The following PPIP5K2 variants were observed in gnomAD, a reference collection of about 807,000 sequenced individuals.
The protein encoded by PPIP5K2 is diphosphoinositol pentakisphosphate kinase 2, also known as inositol hexakisphosphate and diphosphoinositol-pentakisphosphate kinase 2.
In PPIP5K2, 105 loss-of-function variants were observed where a neutral mutation model predicts 154.6. That is an observed-to-expected ratio of 0.68 (90% confidence interval 0.58 to 0.80). The LOEUF is 0.80. PPIP5K2 is among the 30% of genes least tolerant of loss of function. The probability of loss-of-function intolerance (pLI) is 0.00; values close to 1 mark genes in which losing one functional copy is unlikely to be tolerated. For missense variants in PPIP5K2, 992 were observed against 1,504.6 expected (o/e 0.66, Z 5.64); for synonymous variants, 480 against 490.3 (o/e 0.98, Z 0.28).
Position 103,133,439 on chromosome 5 carries a change from C to T in PPIP5K2, c.115-14C>T, listed in dbSNP as rs1554203231. On this transcript the variant is annotated splice_polypyrimidine_tract_variant and intron_variant, in intron 2 of 30. Coordinates refer to ENST00000358359, the MANE Select transcript of PPIP5K2 (RefSeq NM_001276277.3). ...GTAAAGTTAACCCGATTTTTTGTTTCATTTTTGTTTTAGCCACCAGAAAGG... is the reference window on the plus strand; with the variant it reads ...GTAAAGTTAACCCGATTTTTTGTTTTATTTTTGTTTTAGCCACCAGAAAGG... 16 of 1,590,998 alleles carry T rather than the reference C, an allele frequency of 1.0e-5. No individual in the cohort carries two copies. The highest frequency in any genetic ancestry group is 2.3e-4 in the Middle Eastern group (1 of 4,364).
At chr5:103,124,761 G>T (rs1235544226) in intron 1 of PPIP5K2, among the ~76,000 whole-genome samples, 2 of 152,120 alleles carry the variant, frequency 1.3e-5, no homozygotes, top group South Asian at 4.1e-4. Flanking sequence ...ACTGGCCAGG[G>T]TATAACAGCT....
At chr5:103,168,007 A>G in intron 18 of PPIP5K2, 65 bp from the exon 19 acceptor site, 2 of 1,013,436 alleles carry the variant, frequency 2.0e-6, no homozygotes, top group Admixed American at 4.8e-5. Flanking sequence ...AATTATTAAC[A>G]TATTAATATA....
chr5:103,177,030 A>G (rs1798832290), intron 21 of PPIP5K2: 3 of 632,090 alleles, frequency 4.7e-6, no homozygotes, highest in Non-Finnish European at 4.9e-6. Context: ...ATGGTGGGAA[A>G]AAATGGCATT....
chr5:103,131,307 T>C (rs1469763996), intron 2 of PPIP5K2, among the ~76,000 whole-genome samples: 1 of 152,238 alleles, frequency 6.6e-6, no homozygotes, highest in African/African-American at 2.4e-5. Context: ...TCTACCCATG[T>C]TTTAAATCAT....
intron 5 of PPIP5K2, among the ~76,000 whole-genome samples, chr5:103,139,115 GTTT>G (rs1326812363): frequency 1.3e-5 from 2 of 152,204 alleles, no homozygotes; most frequent in Non-Finnish European, 2.9e-5. Context: ...TTAAAGCACT[GTTT>G]GCTCCTTTTT....
intron 3 of PPIP5K2, among the ~76,000 whole-genome samples, chr5:103,134,232 T>A (rs1554203516): frequency 6.6e-6 from 1 of 152,182 alleles, no homozygotes; most frequent in African/African-American, 2.4e-5. Context: ...TGCTATATCT[T>A]ATTAATCAAA....
chr5:103,179,144 A>G (rs1799141213), intron 23 of PPIP5K2, among the ~76,000 whole-genome samples: 1 of 151,940 alleles, frequency 6.6e-6, no homozygotes, highest in African/African-American at 2.4e-5. Flanking sequence ...TCAGTGTCTT[A>G]TTATTAACTG....
chr5:103,210,172 G>A lies in PPIP5K2; in HGVS notation c.*8538G>A. The A allele has an allele frequency of 6.6e-6, 1 of 152,212 alleles. No individual in the cohort carries two copies. Among genetic ancestry groups the A allele is most frequent in the Middle Eastern group, 3.4e-3 (1 of 294 alleles). The allele number at this position is 152,212 out of a possible 1,614,324, so 9.4% of individuals were successfully genotyped here. On this transcript the variant is annotated 3_prime_UTR_variant, in exon 31 of 31. Transcript: ENST00000358359. ...GGAGTTGACTTCACCAGTGGGAAAAGCAATTACTTTTCAAAGTGAAAACTG... is the reference window on the plus strand; with the variant it reads ...GGAGTTGACTTCACCAGTGGGAAAAACAATTACTTTTCAAAGTGAAAACTG...
chr5:103,187,375 T>C lies in PPIP5K2; in HGVS notation c.3351T>C (p.Asn1117=), dbSNP rs1554225515. 2.0e-6 allele frequency: 3 copies of C among 1,531,200 alleles called. No individual in the cohort carries two copies. The Admixed American group carries it at 5.9e-5, about 30-fold the overall frequency. The allele number at this position is 1,531,200 out of a possible 1,614,324, so 94.9% of individuals were successfully genotyped here. The change falls in exon 28 of 31, where the codon AAT becomes AAC. Residue 1117 remains asparagine, a splice_region_variant and synonymous_variant. Coordinates refer to ENST00000358359, the MANE Select transcript of PPIP5K2 (RefSeq NM_001276277.3). ...FSISFARHPT[N]GFELYSMVPS... ...TCTCATTTGCTCGACACCCAACCAATGGTACGTTTTGCTTTTATTTTAAAA... is the reference window on the plus strand; with the variant it reads ...TCTCATTTGCTCGACACCCAACCAACGGTACGTTTTGCTTTTATTTTAAAA...
chr5:103,210,454 G>A lies in PPIP5K2; in HGVS notation c.*8820G>A, dbSNP rs1309244904. On this transcript the variant is annotated 3_prime_UTR_variant, in exon 31 of 31. Transcript: ENST00000358359. ...TTTTGAGAAGCCTCTTCAGAAAAGA[G>A]CAAAGTTGTCTGCTCTAATGGATAG... The A allele has an allele frequency of 6.6e-6, 1 of 152,064 alleles. No homozygotes were observed. The highest frequency in any genetic ancestry group is 1.5e-5 in the Non-Finnish European group (1 of 67,984). The allele number at this position is 152,064 out of a possible 1,614,324, so 9.4% of individuals were successfully genotyped here. A position where few individuals can be genotyped will look rare whatever the true frequency, so the allele number is the denominator to read the frequency against.
rs1803732469 is a variant in PPIP5K2 at position 103,210,252 on chromosome 5, T to A, written c.*8618T>A. On this transcript the variant is annotated 3_prime_UTR_variant, in exon 31 of 31. Transcript: ENST00000358359. Reference sequence around the variant, plus strand: ...GTAATTTCAGAACTCCAGTAAGAAGTGATAAATGTCTAGTTTGGAATCATG... The same window carrying A: ...GTAATTTCAGAACTCCAGTAAGAAGAGATAAATGTCTAGTTTGGAATCATG... 6.6e-6 allele frequency: 1 copy of A among 152,144 alleles called. No homozygotes were observed. The highest frequency in any genetic ancestry group is 2.4e-5 in the African/African-American group (1 of 41,434). 9.4% of individuals were successfully genotyped at this position (152,144 alleles called of 1,614,324 possible).
At chr5:103,170,505 T>TATGTA (rs1797816810) in intron 19 of PPIP5K2, among the ~76,000 whole-genome samples, 1 of 151,688 alleles carries the variant, frequency 6.6e-6, no homozygotes, top group Non-Finnish European at 1.5e-5. Flanking sequence ...AAATCAGTTC[T>TATGTA]ATTTTTGGTA....
intron 1 of PPIP5K2, among the ~76,000 whole-genome samples, chr5:103,127,148 T>C (rs781836041): frequency 2.0e-5 from 3 of 152,228 alleles, no homozygotes; most frequent in Non-Finnish European, 4.4e-5. Context: ...CTCACTTTGT[T>C]AGAACACTTT....
At chr5:103,184,285 T>C (rs1800014258) in intron 25 of PPIP5K2, 1 of 163,630 alleles carries the variant, frequency 6.1e-6, no homozygotes, top group Non-Finnish European at 1.3e-5. Flanking sequence ...AATTGTATGG[T>C]GATCTCAAGA....
rs782704573 is a variant in PPIP5K2, at chr5:103,158,445, T to C, written c.1616-7T>C. ...ATAGCTGAAGTGATTTGAGGATTTA[T>C]TTTCAGGAGATTATGCAGGATTTCC... On this transcript the variant is annotated splice_polypyrimidine_tract_variant and splice_region_variant and intron_variant, in intron 15 of 30. Transcript: ENST00000358359. 1.9e-6 allele frequency: 3 copies of C among 1,600,578 alleles called. No individual in the cohort carries two copies. Among genetic ancestry groups the C allele is most frequent in the Non-Finnish European group, 2.5e-6 (3 of 1,176,728 alleles).
At position 103,168,193 on chromosome 5, in the gene PPIP5K2, C is replaced by T. The variant is rs369483777; in HGVS notation, c.2184C>T (p.Asp728=). ...TTAGTAAAATCCCTGACATATATGA[C>T]TGTATAAAATATGATGTCCAGCATA... ...YDISKIPDIY[D]CIKYDVQHNG... The change falls in exon 19 of 31, where the codon GAC becomes GAT. Residue 728 remains aspartate, a synonymous_variant. Coordinates refer to ENST00000358359, the MANE Select transcript of PPIP5K2 (RefSeq NM_001276277.3). 6.2e-7 allele frequency: 1 copy of T among 1,607,662 alleles called. No individual in the cohort carries two copies. Among genetic ancestry groups the T allele is most frequent in the African/African-American group, 1.3e-5 (1 of 74,646 alleles).
At chr5:103,185,402 G>C (rs911150574) in intron 26 of PPIP5K2, among the ~76,000 whole-genome samples, 1 of 152,068 alleles carries the variant, frequency 6.6e-6, no homozygotes, top group Non-Finnish European at 1.5e-5. Flanking sequence ...AACAGATCTC[G>C]TTGTAAGTTT....
chr5:103,121,545 A>G (rs1788733264), intron 1 of PPIP5K2, among the ~76,000 whole-genome samples: 1 of 152,198 alleles, frequency 6.6e-6, no homozygotes, highest in South Asian at 2.1e-4. Flanking sequence ...TTTCTTCACT[A>G]ACATTTTCAG....
intron 17 of PPIP5K2, among the ~76,000 whole-genome samples, chr5:103,162,130 C>A (rs1796362769): frequency 6.6e-6 from 1 of 152,050 alleles, no homozygotes. Flanking sequence ...GGTGGATATA[C>A]CTAGAATTTA....
Sources: gnomAD v4.1 joint callset for allele counts (sites outside exome capture counted in the v4.1 genomes callset) on GRCh38, gnomAD v4.1.1 for gene constraint, MANE v1.5 for transcripts, NCBI Gene and HGNC (gene_info 2026-07-23, HGNC 2026-07-21) for gene names.